The following PCDH11X variants were observed in gnomAD, a reference collection of about 807,000 sequenced individuals.
PCDH11X encodes the protein protocadherin-11 X-linked.
PCDH11X carries 18 observed loss-of-function variants against 53.3 expected under a neutral mutation model. The ratio of observed to expected loss-of-function variants is 0.34; its 90% CI spans 0.23 to 0.50. The LOEUF (loss-of-function observed/expected upper bound fraction) is 0.50, where lower values mean the gene tolerates loss of function less well. PCDH11X is among the 20% of genes least tolerant of loss of function. PCDH11X has a pLI of 0.98. For synonymous variants in PCDH11X, 279 were observed against 393.3 expected, an observed-to-expected ratio of 0.71 and a Z score of 3.44; for missense variants, 570 against 1,032.4, an observed-to-expected ratio of 0.55 and a Z score of 6.14.
intron 6 of PCDH11X, among the ~76,000 whole-genome samples, chrX:92,196,650 TTTA>T (rs1271542434): frequency 9.0e-6 from 1 of 111,703 alleles, no homozygotes; most frequent in Non-Finnish European, 1.9e-5. Flanking sequence ...GTAACTGGAA[TTTA>T]TTGTTTCAAC....
chrX:92,033,054 A>G (rs1370968261), intron 6 of PCDH11X, among the ~76,000 whole-genome samples: 6 of 107,489 alleles, frequency 5.6e-5, no homozygotes, highest in African/African-American at 2.0e-4. Flanking sequence ...CGATCTGCTC[A>G]CCTCAGCCTC....
rs1335501728 is a variant in PCDH11X at position 92,387,724 on chromosome X, C to T, written c.3145-11C>T. 1 of 1,211,887 alleles carries T rather than the reference C, an allele frequency of 8.3e-7. No individual in the cohort carries two copies. Among genetic ancestry groups the T allele is most frequent in the South Asian group, 1.8e-5 (1 of 57,009 alleles). ...TATCTGAAACCCTGTAATTTTCATT[C>T]TCCCTTTCAGTCCCAGCGGCGTGTC... On this transcript the variant is annotated splice_polypyrimidine_tract_variant and intron_variant, in intron 8 of 10. Transcript: ENST00000682573.
intron 6 of PCDH11X, among the ~76,000 whole-genome samples, chrX:92,070,427 C>G (rs944029148): frequency 3.6e-5 from 4 of 111,947 alleles, no homozygotes; most frequent in African/African-American, 1.3e-4. Context: ...AATATTTTCA[C>G]AAGATATACT....
intron 6 of PCDH11X, among the ~76,000 whole-genome samples, chrX:92,053,640 G>A (rs1359484212): frequency 3.8e-5 from 4 of 106,184 alleles, no homozygotes; most frequent in Non-Finnish European, 5.8e-5. Flanking sequence ...GCACAATCTC[G>A]GCTCACTGCA....
At chrX:91,926,182 A>C (rs916906050) in intron 6 of PCDH11X, among the ~76,000 whole-genome samples, 1 of 108,150 alleles carries the variant, frequency 9.2e-6, no homozygotes, top group African/African-American at 3.4e-5. Context: ...GGTGAGCCCA[A>C]ATTCTGCTGT....
chrX:92,487,019 T>G (rs1440273033), intron 10 of PCDH11X, among the ~76,000 whole-genome samples: 1 of 105,274 alleles, frequency 9.5e-6, no homozygotes, highest in African/African-American at 3.5e-5. Context: ...AAATATATAG[T>G]TTTTTATTAT....
intron 8 of PCDH11X, among the ~76,000 whole-genome samples, chrX:92,285,356 C>T (rs1260936654): frequency 1.5e-4 from 16 of 105,984 alleles, no homozygotes; most frequent in East Asian, 1.2e-3. Context: ...AGGGTTCAAG[C>T]GATTCTCCTG....
At chrX:92,003,100 A>G (rs1363028197) in intron 6 of PCDH11X, among the ~76,000 whole-genome samples, 3 of 104,427 alleles carry the variant, frequency 2.9e-5, no homozygotes, top group African/African-American at 1.0e-4. Context: ...TTATCATGAA[A>G]GGATGTTGAA....
At chrX:92,240,035 G>A (rs746869470) in intron 7 of PCDH11X, among the ~76,000 whole-genome samples, 29 of 111,853 alleles carry the variant, frequency 2.6e-4, no homozygotes, top group African/African-American at 6.5e-4. Flanking sequence ...GACTTAAGAA[G>A]AACACACATA....
chrX:92,014,585 C>T (rs990110477), intron 6 of PCDH11X, among the ~76,000 whole-genome samples: 17 of 110,192 alleles, frequency 1.5e-4, no homozygotes, highest in African/African-American at 5.3e-4. Flanking sequence ...CACATGCACA[C>T]GTATGTTTAT....
intron 10 of PCDH11X, among the ~76,000 whole-genome samples, chrX:92,534,335 G>A (rs757567368): frequency 1.9e-4 from 21 of 111,047 alleles, no homozygotes; most frequent in South Asian, 3.8e-4. Flanking sequence ...GAAATGAAGC[G>A]AGAAGAGAAG....
chrX:92,112,361 A>T (rs1259396819), intron 6 of PCDH11X, among the ~76,000 whole-genome samples: 1 of 108,985 alleles, frequency 9.2e-6, no homozygotes, highest in Non-Finnish European at 1.9e-5. Context: ...TATAGTCATC[A>T]TAGTGTCCTA....
chrX:91,823,773 T>C (rs867166744), intron 4 of PCDH11X, among the ~76,000 whole-genome samples: 8 of 111,702 alleles, frequency 7.2e-5, no homozygotes, highest in Non-Finnish European at 1.1e-4. Context: ...CTAGTCTCGA[T>C]AGTCTTTACA....
chrX:92,352,815 T>G (rs1165651634), intron 8 of PCDH11X, among the ~76,000 whole-genome samples: 1 of 111,585 alleles, frequency 9.0e-6, no homozygotes, highest in African/African-American at 3.3e-5. Flanking sequence ...CTGTGATGTG[T>G]ACCATCTTCA....
intron 6 of PCDH11X, among the ~76,000 whole-genome samples, chrX:92,003,607 G>T (rs2062548575): frequency 2.2e-5 from 2 of 89,824 alleles, no homozygotes; most frequent in Non-Finnish European, 4.4e-5. Context: ...ATTTCTTCTT[G>T]GTTCAATCTT....
At chrX:92,567,705 G>T (rs1321472463) in intron 10 of PCDH11X, among the ~76,000 whole-genome samples, 1 of 109,903 alleles carries the variant, frequency 9.1e-6, no homozygotes, top group Admixed American at 9.8e-5. Context: ...GTCTTGTGCT[G>T]GTTTTCATGG....
intron 10 of PCDH11X, among the ~76,000 whole-genome samples, chrX:92,575,942 T>TACACACAC (rs1163516940): frequency 4.3e-5 from 1 of 23,459 alleles, no homozygotes; most frequent in South Asian, 2.7e-3. Context: ...TATATATATA[T>TACACACAC]ATACACACAC....
chrX:92,062,020 A>ATAGTG (rs2063530411), intron 6 of PCDH11X, among the ~76,000 whole-genome samples: 1 of 111,205 alleles, frequency 9.0e-6, no homozygotes, highest in Non-Finnish European at 1.9e-5. Context: ...TTCTCATAGT[A>ATAGTG]GAGACATTTC....
chrX:92,264,499 A>G (rs1045005504), intron 8 of PCDH11X, among the ~76,000 whole-genome samples: 1 of 111,309 alleles, frequency 9.0e-6, no homozygotes, highest in Non-Finnish European at 1.9e-5. Context: ...TGTGTATAAA[A>G]CATGTATTTA....
Sources: gnomAD v4.1 joint callset for allele counts (sites outside exome capture counted in the v4.1 genomes callset) on GRCh38, gnomAD v4.1.1 for gene constraint, MANE v1.5 for transcripts, NCBI Gene and HGNC (gene_info 2026-07-23, HGNC 2026-07-21) for gene names.